INPP5A: variants seen among roughly 807,000 people sequenced by gnomAD.
INPP5A encodes the protein inositol polyphosphate-5-phosphatase A.
A neutral mutation model predicts 65.2 loss-of-function variants in INPP5A; 14 were observed. That is an observed-to-expected ratio of 0.21 (90% CI 0.14 to 0.34). The LOEUF (loss-of-function observed/expected upper bound fraction) is 0.34. Among genes scored for constraint, INPP5A ranks in the 10% least tolerant of loss-of-function variants. The pLI, the probability that INPP5A is intolerant of heterozygous loss-of-function variation, is 1.00. For synonymous variants in INPP5A, 207 were observed against 208.3 expected (o/e 0.99, Z 0.05); for missense variants, 431 against 545.6 (o/e 0.79, Z 2.09).
chr10:132,584,755 A>G (rs1394016808), intron 1 of INPP5A, among the ~76,000 whole-genome samples: 1 of 152,204 alleles, frequency 6.6e-6, no homozygotes, highest in South Asian at 2.1e-4. Context: ...CTTATTTTTG[A>G]GACAGGGTCT....
chr10:132,586,988 A>T (rs2071553451), intron 1 of INPP5A, among the ~76,000 whole-genome samples: 1 of 151,996 alleles, frequency 6.6e-6, no homozygotes, highest in African/African-American at 2.4e-5. Flanking sequence ...CTGCAGACCA[A>T]TGTCATCATT....
intron 11 of INPP5A, among the ~76,000 whole-genome samples, chr10:132,757,964 C>T (rs1194113397): frequency 3.5e-5 from 5 of 143,716 alleles, no homozygotes; most frequent in Admixed American, 6.9e-5. Flanking sequence ...CGTGGGTGCC[C>T]GGCCGACCCC....
chr10:132,723,586 CGTGTGGGGATTGGTT>C (rs1564984470), intron 8 of INPP5A, among the ~76,000 whole-genome samples: 7 of 86,634 alleles, frequency 8.1e-5, no homozygotes, highest in Non-Finnish European at 1.7e-4. Flanking sequence ...GGGGATTGGC[CGTGTGGGGATTGGTT>C]TTGTGGGGAT....
intron 4 of INPP5A, among the ~76,000 whole-genome samples, chr10:132,660,491 A>G (rs1325447407): frequency 6.6e-6 from 1 of 152,204 alleles, no homozygotes; most frequent in East Asian, 1.9e-4. Context: ...GTTGATGGTG[A>G]CATCAAACAA....
chr10:132,655,154 A>C (rs1564951326), intron 4 of INPP5A, among the ~76,000 whole-genome samples: 2 of 152,240 alleles, frequency 1.3e-5, no homozygotes, highest in Non-Finnish European at 2.9e-5. Flanking sequence ...AAAAGTGGCG[A>C]GAGCCAGGCT....
intron 8 of INPP5A, among the ~76,000 whole-genome samples, chr10:132,718,256 C>A (rs374771871): frequency 7.7e-5 from 9 of 116,332 alleles, no homozygotes; most frequent in Non-Finnish European, 1.1e-4. Flanking sequence ...GGCTGTCTTG[C>A]GGGTTCTGTG....
chr10:132,664,964 T>C (rs563343495), intron 4 of INPP5A, among the ~76,000 whole-genome samples: 1 of 152,260 alleles, frequency 6.6e-6, no homozygotes, highest in Admixed American at 6.5e-5. Flanking sequence ...GGTTTTCCCG[T>C]TGCAACTGAG....
rs2036994563 is a variant in INPP5A, at chr10:132,644,641, T to C, written c.118-1227T>C. Among the ~76,000 whole-genome samples the C allele has an allele frequency of 6.6e-6, 1 of 152,192 alleles. No individual in the cohort carries two copies. The highest frequency in any genetic ancestry group is 2.4e-5 in the African/African-American group (1 of 41,462). On this transcript the variant is annotated intron_variant, in intron 2 of 15. Transcript: ENST00000368594. The surrounding 1 kb of genome is among the most constrained non-coding windows in gnomAD (Gnocchi z 6.5). ...AGCACCGGCCCCTTCTCTCCCCGCC[T>C]TTCCGCTCCTCCAAGGAAGCTCGTC...
intron 1 of INPP5A, among the ~76,000 whole-genome samples, chr10:132,593,494 AG>A (rs1213863407): frequency 2.0e-5 from 3 of 152,198 alleles, no homozygotes; most frequent in African/African-American, 7.2e-5. Context: ...TCCTTCCTGA[AG>A]AACTTTTTCA....
At chr10:132,560,274 C>T (rs748417870) in intron 1 of INPP5A, among the ~76,000 whole-genome samples, 1 of 152,032 alleles carries the variant, frequency 6.6e-6, no homozygotes, top group Admixed American at 6.6e-5. Flanking sequence ...CTTCAGCTCT[C>T]TTGGGTGTAG....
intron 11 of INPP5A, among the ~76,000 whole-genome samples, chr10:132,756,550 C>T (rs760884467): frequency 2.0e-5 from 3 of 152,210 alleles, no homozygotes; most frequent in Non-Finnish European, 4.4e-5. Flanking sequence ...TGTGACATCA[C>T]AGCGTGGCGG....
At chr10:132,633,036 G>A (rs1257134625) in intron 2 of INPP5A, among the ~76,000 whole-genome samples, 1 of 152,200 alleles carries the variant, frequency 6.6e-6, no homozygotes, top group Non-Finnish European at 1.5e-5. Flanking sequence ...GGCTGGTTCT[G>A]TCTCCCTTCC....
intron 9 of INPP5A, among the ~76,000 whole-genome samples, chr10:132,729,838 G>T (rs1290573019): frequency 6.6e-6 from 1 of 152,130 alleles, no homozygotes; most frequent in Non-Finnish European, 1.5e-5. Context: ...TGTGCTTAAG[G>T]GGCTGTTTAC....
At chr10:132,617,416 G>A (rs1175134351) in intron 2 of INPP5A, among the ~76,000 whole-genome samples, 2 of 152,198 alleles carry the variant, frequency 1.3e-5, no homozygotes, top group Non-Finnish European at 2.9e-5. Context: ...TCCACCGGCC[G>A]TGGGCATGCT....
intron 1 of INPP5A, among the ~76,000 whole-genome samples, chr10:132,583,759 C>T (rs189534054): frequency 8.5e-5 from 13 of 152,184 alleles, no homozygotes; most frequent in Admixed American, 3.3e-4. Context: ...TGGGCTAACC[C>T]CTACTTGGTC....
intron 2 of INPP5A, among the ~76,000 whole-genome samples, chr10:132,619,343 A>G (rs926481040): frequency 7.2e-5 from 11 of 152,204 alleles, no homozygotes; most frequent in Non-Finnish European, 1.6e-4. Flanking sequence ...CTCAGAGTCT[A>G]TGTCCCACAC....
chr10:132,646,005 C>A (rs1436436177), intron 3 of INPP5A, 37 bp downstream of exon 3: 4 of 1,459,342 alleles, frequency 2.7e-6, no homozygotes, highest in Non-Finnish European at 3.8e-6. Flanking sequence ...ATGTCCACTT[C>A]CCAGGGGTGT....
Position 132,644,659 on chromosome 10 carries a change from A to G in INPP5A, c.118-1209A>G, listed in dbSNP as rs2072469889. On this transcript the variant is annotated intron_variant, in intron 2 of 15. Coordinates refer to ENST00000368594, the MANE Select transcript of INPP5A (RefSeq NM_005539.5). This position sits in a 1 kb window ranked among gnomAD's most constrained non-coding sequence, Gnocchi z 6.5. ...CCCCGCCTTTCCGCTCCTCCAAGGA[A>G]GCTCGTCCTTTTGGGCCCTCAGTGG... 6.6e-6 allele frequency among the ~76,000 whole-genome samples: 1 copy of G among 152,224 alleles called. No homozygotes were observed. The highest frequency in any genetic ancestry group is 1.5e-5 in the Non-Finnish European group (1 of 68,036).
At chr10:132,731,309 C>A (rs990816302) in intron 9 of INPP5A, among the ~76,000 whole-genome samples, 2 of 151,992 alleles carry the variant, frequency 1.3e-5, no homozygotes, top group African/African-American at 4.8e-5. Flanking sequence ...CTCCCACTTA[C>A]CAGGCATCCC....
Sources: allele counts gnomAD v4.1 joint callset (sites outside exome capture counted in the v4.1 genomes callset), GRCh38; gene constraint gnomAD v4.1.1; non-coding constraint Gnocchi (gnomAD v3.1); transcripts MANE v1.5; gene names NCBI Gene and HGNC (gene_info 2026-07-23, HGNC 2026-07-21).